EXOC3: variants seen among roughly 807,000 people sequenced by gnomAD.
EXOC3 encodes exocyst complex component 3.
EXOC3 carries 21 observed loss-of-function variants against 73.7 expected under a neutral mutation model. The ratio of observed to expected loss-of-function variants is 0.29; its 90% CI spans 0.20 to 0.41. The LOEUF (loss-of-function observed/expected upper bound fraction) is 0.41, where lower values mean the gene tolerates loss of function less well. Among genes scored for constraint, EXOC3 ranks in the 10% least tolerant of loss-of-function variants. The probability of loss-of-function intolerance (pLI) is 1.00; values close to 1 mark genes in which losing one functional copy is unlikely to be tolerated. For missense variants in EXOC3, 842 were observed against 985.1 expected (o/e 0.85, Z 1.95); for synonymous variants, 410 against 389.1 (o/e 1.05, Z -0.63).
chr5:453,927 T>G lies in EXOC3; in HGVS notation c.922T>G (p.Phe308Val), dbSNP rs1456510806. Residue 308 changes from phenylalanine to valine, a missense_variant, in exon 4 of 13, where the codon TTT (phenylalanine) becomes GTT (valine). By Grantham distance (50) the Phe-to-Val change is conservative. Coordinates refer to ENST00000512944, the MANE Select transcript of EXOC3 (RefSeq NM_007277.5). ...GTGCTTTCCTCCCCACTATGAGATCTTTAAGAACCTCCTGAACATGTACCA... is the reference window on the plus strand; with the variant it reads ...GTGCTTTCCTCCCCACTATGAGATCGTTAAGAACCTCCTGAACATGTACCA... ...VQCFPPHYEI[F>V]KNLLNMYHQA... 6.2e-7 allele frequency: 1 copy of G among 1,614,022 alleles called. No individual in the cohort carries two copies. The highest frequency in any genetic ancestry group is 2.2e-5 in the East Asian group (1 of 44,890).
chr5:465,647 G>GC, intron 11 of EXOC3, 71 bp from the exon 12 acceptor site: 1 of 1,593,512 alleles, frequency 6.3e-7, no homozygotes, highest in Admixed American at 1.7e-5. Flanking sequence ...AAGGGGCTCA[G>GC]CCAGAATCCA....
At chr5:458,194 C>T (rs1737878896) in intron 6 of EXOC3, among the ~76,000 whole-genome samples, 169 bp downstream of exon 6, 1 of 152,266 alleles carries the variant, frequency 6.6e-6, no homozygotes, top group Non-Finnish European at 1.5e-5. Context: ...GTCTCTTACT[C>T]TCTGGAGCTG....
chr5:461,829 T>C (rs528342548), intron 7 of EXOC3, 131 bp from the exon 8 acceptor site: 2 of 644,362 alleles, frequency 3.1e-6, no homozygotes, highest in South Asian at 1.9e-5. Context: ...AAAGATTGTT[T>C]TATTTTTAGA....
At position 458,065 on chromosome 5, in the gene EXOC3, G is replaced by A. The variant is rs185546972; in HGVS notation, c.1290+40G>A. 18 of 1,598,536 alleles carry A rather than the reference G, an allele frequency of 1.1e-5. No individual in the cohort carries two copies. The East Asian group carries it at 4.0e-4, about 36-fold the overall frequency. ...GGACTGGCACAGTTCCGTTTCCTAG[G>A]TGGATAGTGGGACCTGTAGGTTTTA... On this transcript the variant is annotated intron_variant, in intron 6 of 12. Transcript: ENST00000512944.
intron 1 of EXOC3, among the ~76,000 whole-genome samples, chr5:444,746 C>G (rs933519803): frequency 6.6e-6 from 1 of 151,948 alleles, no homozygotes; most frequent in Non-Finnish European, 1.5e-5. Context: ...GGAGTTGCCC[C>G]TGAGTGGTGG....
intron 3 of EXOC3, among the ~76,000 whole-genome samples, chr5:449,088 T>C (rs1379866678): frequency 6.6e-6 from 1 of 152,250 alleles, no homozygotes; most frequent in Non-Finnish European, 1.5e-5. Flanking sequence ...ACCAAAAAGG[T>C]GCATTACTGG....
At position 453,700 on chromosome 5, in the gene EXOC3, A is replaced by G. The variant is rs975426007; in HGVS notation, c.695A>G (p.Gln232Arg). 1 of 1,613,942 alleles carries G rather than the reference A, an allele frequency of 6.2e-7. No homozygotes were observed. Among genetic ancestry groups the G allele is most frequent in the Middle Eastern group, 1.6e-4 (1 of 6,062 alleles). The change falls in exon 4 of 13, where the codon CAA becomes CGA. Residue 232 changes from glutamine (Q) to arginine (R), a missense_variant. Gln to Arg is a conservative substitution (Grantham distance 43). Coordinates refer to ENST00000512944, the MANE Select transcript of EXOC3 (RefSeq NM_007277.5). ...IDRRILDRKK[Q>R]TGFVPPGRPK... is the part of the protein sequence containing the mutation. The stretch of plus-strand genomic sequence containing the variant: ...AGGCGCATACTTGACCGGAAAAAGC[A>G]AACTGGCTTTGTTCCTCCTGGGAGG...
At chr5:447,840 C>A in intron 3 of EXOC3, 88 bp downstream of exon 3, 1 of 936,834 alleles carries the variant, frequency 1.1e-6, no homozygotes, top group Non-Finnish European at 1.6e-6. Flanking sequence ...TGCTTTGCAG[C>A]CCGCACTGTA....
chr5:445,753 A>C (rs1054042684), intron 1 of EXOC3, among the ~76,000 whole-genome samples: 1 of 152,046 alleles, frequency 6.6e-6, no homozygotes, highest in African/African-American at 2.4e-5. Flanking sequence ...ATTTGTCTTC[A>C]CTGAGGGTCC....
intron 3 of EXOC3, among the ~76,000 whole-genome samples, chr5:448,319 G>A (rs1243368653): frequency 6.6e-6 from 1 of 152,174 alleles, no homozygotes; most frequent in African/African-American, 2.4e-5. Context: ...ACCTGTCCCT[G>A]AACGGTGCCA....
intron 7 of EXOC3, among the ~76,000 whole-genome samples, chr5:460,345 C>T (rs957449942): frequency 1.1e-4 from 16 of 152,186 alleles, no homozygotes; most frequent in African/African-American, 3.9e-4. Context: ...TGTCAGCTCC[C>T]GAGCCAGATG....
chr5:464,732 TC>T (rs1247752321), intron 10 of EXOC3: 1 of 405,672 alleles, frequency 2.5e-6, no homozygotes, highest in Admixed American at 4.0e-5. Context: ...AGACCCTCCT[TC>T]CTGCAGGACC....
At chr5:465,490 C>G (rs942075687) in intron 11 of EXOC3, among the ~76,000 whole-genome samples, 2 of 152,260 alleles carry the variant, frequency 1.3e-5, no homozygotes, top group African/African-American at 4.8e-5. Context: ...CCCACAGCTC[C>G]CTGACGGACG....
intron 9 of EXOC3, among the ~76,000 whole-genome samples, chr5:463,092 C>T (rs1010055840): frequency 2.6e-5 from 4 of 152,110 alleles, no homozygotes; most frequent in African/African-American, 9.7e-5. Flanking sequence ...GCAACAAGAG[C>T]AAACTCCATT....
chr5:443,584 T>C (rs1004186171), intron 1 of EXOC3, among the ~76,000 whole-genome samples: 1 of 150,388 alleles, frequency 6.6e-6, no homozygotes, highest in African/African-American at 2.5e-5. Context: ...CTTAACAGTG[T>C]CTTCCCCCAC....
In EXOC3 at chr5:443,242, GGCGGC is replaced by G. The variant is rs1737387685; in HGVS notation, c.-103_-99del. 1 of 4,646 alleles carries G rather than the reference GGCGGC, an allele frequency of 2.2e-4. No homozygotes were observed. The allele number at this position is 4,646 out of a possible 1,614,324, so 0.3% of individuals were successfully genotyped here. On this transcript the variant is annotated 5_prime_UTR_variant, in exon 1 of 13. Coordinates refer to ENST00000512944, the MANE Select transcript of EXOC3 (RefSeq NM_007277.5). ...AGGGGGCGGCGGGGGCGGCGGCGGC[GGCGGC>G]GGCGGCGGCGGCGGCGGCGGCGGCG... is the stretch of plus-strand genomic sequence containing the variant.
chr5:450,103 G>A (rs146023975), intron 3 of EXOC3, among the ~76,000 whole-genome samples: 10,932 of 152,108 alleles, frequency 0.072, 501 homozygotes, highest in Admixed American at 0.13. Context: ...AAAATTAGCC[G>A]GGCGTGGTGG....
intron 3 of EXOC3, among the ~76,000 whole-genome samples, chr5:448,322 C>T (rs148323336): frequency 3.3e-5 from 5 of 152,292 alleles, no homozygotes; most frequent in South Asian, 2.1e-4. Flanking sequence ...TGTCCCTGAA[C>T]GGTGCCAGCT....
In EXOC3 at chr5:453,902, G is replaced by T; in HGVS notation, c.897G>T (p.Gln299His). 6.2e-7 allele frequency: 1 copy of T among 1,613,994 alleles called. No individual in the cohort carries two copies. The highest frequency in any genetic ancestry group is 8.5e-7 in the Non-Finnish European group (1 of 1,179,898). ...DLIVAKNLMV[Q>H]CFPPHYEIFK... ...TTGTCGCCAAAAACCTGATGGTTCA[G>T]TGCTTTCCTCCCCACTATGAGATCT... The change falls in exon 4 of 13, where the codon CAG becomes CAT. Residue 299 changes from glutamine to histidine, a missense_variant. Gln to His is a conservative substitution (Grantham distance 24, BLOSUM62 0). Transcript: ENST00000512944.
Sources: allele counts gnomAD v4.1 joint callset (sites outside exome capture counted in the v4.1 genomes callset), GRCh38; gene constraint gnomAD v4.1.1; transcripts MANE v1.5; gene names NCBI Gene and HGNC (gene_info 2026-07-23, HGNC 2026-07-21).